The following SLCO1B1 variants were observed in gnomAD, a reference collection of about 807,000 sequenced individuals.
SLCO1B1 encodes OATP-2.
SLCO1B1 carries 81 observed loss-of-function variants against 70.1 expected under a neutral mutation model. The observed-to-expected ratio is 1.16, with a 90% CI of 0.97 to 1.39. The LOEUF is 1.39. Among genes scored for constraint, SLCO1B1 ranks in the 40% most tolerant of loss-of-function variants. The probability of loss-of-function intolerance (pLI) is 0.00; values close to 1 mark genes in which losing one functional copy is unlikely to be tolerated. For missense variants in SLCO1B1, 895 were observed against 799.6 expected (o/e 1.12, Z -1.44); for synonymous variants, 283 against 271.5 (o/e 1.04, Z -0.42).
intron 7 of SLCO1B1, among the ~76,000 whole-genome samples, chr12:21,193,195 T>C (rs1941050273): frequency 6.6e-6 from 1 of 152,208 alleles, no homozygotes; most frequent in South Asian, 2.1e-4. Context: ...GTATTCTCTA[T>C]GTGTCTGTTA....
chr12:21,210,489 A>G lies in SLCO1B1; in HGVS notation c.1497+4456A>G, dbSNP rs1177282623. On this transcript the variant is annotated intron_variant, in intron 11 of 14. Coordinates refer to ENST00000256958, the MANE Select transcript of SLCO1B1 (RefSeq NM_006446.5). ...CTTGTAGTATAGTTTGAAGTCAGGT[A>G]GTGTGATGATGCCTCCAGCTTTGTT... Among the ~76,000 whole-genome samples the G allele has an allele frequency of 3.7e-5, 4 of 107,808 alleles. 1 individual carries two copies. Among genetic ancestry groups the G allele is most frequent in the African/African-American group, 1.5e-4 (4 of 25,882 alleles). 70.7% of individuals were successfully genotyped at this position (107,808 alleles called of 152,430 possible). A position where few individuals can be genotyped will look rare whatever the true frequency, so the allele number is the denominator to read the frequency against.
At chr12:21,206,171 G>T in intron 11 of SLCO1B1, 138 bp downstream of exon 11, 1 of 701,272 alleles carries the variant, frequency 1.4e-6, no homozygotes, top group South Asian at 1.8e-5. Flanking sequence ...CTGTTATTGT[G>T]ATGGGTGTGA....
chr12:21,141,118 G>A (rs766666132), intron 1 of SLCO1B1, among the ~76,000 whole-genome samples: 1 of 151,824 alleles, frequency 6.6e-6, no homozygotes, highest in East Asian at 1.9e-4. Flanking sequence ...TGTGCAAGGG[G>A]CTAATAGGCA....
chr12:21,168,057 G>A (rs1297586375), intron 2 of SLCO1B1, among the ~76,000 whole-genome samples: 2 of 151,294 alleles, frequency 1.3e-5, no homozygotes, highest in Admixed American at 6.6e-5. Flanking sequence ...TCCTGACCTC[G>A]TGATCCGCCC....
intron 13 of SLCO1B1, among the ~76,000 whole-genome samples, chr12:21,223,538 T>C (rs1017333423): frequency 6.6e-6 from 1 of 152,188 alleles, no homozygotes; most frequent in Admixed American, 6.5e-5. Flanking sequence ...GCTGTGATTT[T>C]TGAAACCTGA....
chr12:21,147,662 T>A (rs1940407105), intron 2 of SLCO1B1, among the ~76,000 whole-genome samples: 1 of 152,236 alleles, frequency 6.6e-6, no homozygotes, highest in Admixed American at 6.5e-5. Flanking sequence ...TGTGCCACAT[T>A]TTATTTATCC....
At chr12:21,223,069 C>T in intron 13 of SLCO1B1, among the ~76,000 whole-genome samples, 1 of 152,128 alleles carries the variant, frequency 6.6e-6, no homozygotes, top group East Asian at 1.9e-4. Flanking sequence ...GGAGATACCT[C>T]TCTGCTAGAA....
chr12:21,135,256 A>G (rs1435471226), intron 1 of SLCO1B1, among the ~76,000 whole-genome samples: 4 of 152,158 alleles, frequency 2.6e-5, no homozygotes, highest in Non-Finnish European at 4.4e-5. Context: ...ACTTCCAACT[A>G]TGTGGTCAAT....
At chr12:21,135,909 G>C (rs1160992467) in intron 1 of SLCO1B1, among the ~76,000 whole-genome samples, 2 of 152,162 alleles carry the variant, frequency 1.3e-5, no homozygotes, top group East Asian at 3.9e-4. Context: ...CTCATTAGTT[G>C]ATGCAGTTTC....
At chr12:21,171,573 C>A (rs2121096012) in intron 2 of SLCO1B1, among the ~76,000 whole-genome samples, 1 of 152,240 alleles carries the variant, frequency 6.6e-6, no homozygotes, top group South Asian at 2.1e-4. Flanking sequence ...AAACATGGCT[C>A]AGGAGGCTCT....
chr12:21,132,935 A>C (rs1045823872), intron 1 of SLCO1B1, among the ~76,000 whole-genome samples: 1 of 151,970 alleles, frequency 6.6e-6, no homozygotes, highest in Non-Finnish European at 1.5e-5. Context: ...GGTATTGCCT[A>C]GGTTTTCTTC....
chr12:21,211,372 TG>T (rs1042899565), intron 11 of SLCO1B1, among the ~76,000 whole-genome samples: 1 of 152,266 alleles, frequency 6.6e-6, no homozygotes, highest in Non-Finnish European at 1.5e-5. Flanking sequence ...TTTATTGATT[TG>T]TGTATATTGA....
In SLCO1B1 at chr12:21,197,277, A is replaced by G. The variant is rs142661780; in HGVS notation, c.970+89A>G. ...ATTCCAAAATAATAAAGCATACCCA[A>G]CTCATCTGGAGTTGGCTTTCTTTTG... On this transcript the variant is annotated intron_variant, in intron 8 of 14. Coordinates refer to ENST00000256958, the MANE Select transcript of SLCO1B1 (RefSeq NM_006446.5). 77 of 1,438,402 alleles carry G rather than the reference A, an allele frequency of 5.4e-5. 2 individuals are homozygous for G. In the African/African-American group the frequency reaches 6.7e-4, roughly 13 times the overall value. 89.1% of individuals were successfully genotyped at this position (1,438,402 alleles called of 1,614,324 possible).
In SLCO1B1 at chr12:21,217,713, G is replaced by A. The variant is rs997654521; in HGVS notation, c.1682+410G>A. ...CATTTGAAAACTAGATATAAAATAT[G>A]CTCCATTTGATAACATTCCAAAACT... is the stretch of plus-strand genomic sequence containing the variant. On this transcript the variant is annotated intron_variant, in intron 12 of 14. Coordinates refer to ENST00000256958, the MANE Select transcript of SLCO1B1 (RefSeq NM_006446.5). Among the ~76,000 whole-genome samples, 14 of 152,204 alleles carry A rather than the reference G, an allele frequency of 9.2e-5. No homozygotes were observed. The East Asian group carries it at 1.5e-3, about 17-fold the overall frequency.
chr12:21,216,998 T>A (rs1261343549), intron 11 of SLCO1B1, 121 bp from the exon 12 acceptor site: 1 of 767,458 alleles, frequency 1.3e-6, no homozygotes, highest in Non-Finnish European at 2.2e-6. Context: ...TTTAGAATCT[T>A]CTTAAACTGT....
intron 2 of SLCO1B1, among the ~76,000 whole-genome samples, chr12:21,157,147 A>C (rs1280525263): frequency 2.0e-5 from 3 of 152,146 alleles, no homozygotes; most frequent in South Asian, 2.1e-4. Context: ...CATCTTTATA[A>C]GGTTAGCAAG....
At chr12:21,166,877 G>C (rs556637700) in intron 2 of SLCO1B1, among the ~76,000 whole-genome samples, 1 of 152,264 alleles carries the variant, frequency 6.6e-6, no homozygotes, top group African/African-American at 2.4e-5. Context: ...ATTGCCATAA[G>C]TTAGAAGCAA....
chr12:21,150,466 G>A (rs1354487798), intron 2 of SLCO1B1, among the ~76,000 whole-genome samples: 3 of 152,052 alleles, frequency 2.0e-5, no homozygotes, highest in Non-Finnish European at 4.4e-5. Context: ...TCTGGTGGGT[G>A]CCCCTCTGGA....
chr12:21,208,670 C>T (rs920184118), intron 11 of SLCO1B1, among the ~76,000 whole-genome samples: 1 of 151,858 alleles, frequency 6.6e-6, no homozygotes, highest in Non-Finnish European at 1.5e-5. Context: ...AAAATCATGC[C>T]GGTTGTTTGA....
Sources: gnomAD v4.1 joint callset for allele counts (sites outside exome capture counted in the v4.1 genomes callset) on GRCh38, gnomAD v4.1.1 for gene constraint, MANE v1.5 for transcripts, NCBI Gene and HGNC (gene_info 2026-07-23, HGNC 2026-07-21) for gene names.